The following GLI3 variants were observed in gnomAD, a reference collection of about 807,000 sequenced individuals.
GLI3 encodes the protein GLI family zinc finger 3, also known as transcription activator GLI3.
A neutral mutation model predicts 100.8 loss-of-function variants in GLI3; 20 were observed. The observed-to-expected ratio is 0.20, with a 90% CI of 0.14 to 0.29. GLI3 has a LOEUF of 0.29. Ranked by LOEUF, GLI3 falls within the 10% of genes least tolerant of loss-of-function variation. GLI3 has a pLI of 1.00. For synonymous variants in GLI3, 938 were observed against 860.5 expected, an observed-to-expected ratio of 1.09 and a Z score of -1.58; for missense variants, 2,040 against 2,128.5, an observed-to-expected ratio of 0.96 and a Z score of 0.82.
chr7:42,151,411 G>A (rs1174668007), intron 2 of GLI3: 1 of 152,196 alleles, frequency 6.6e-6, no homozygotes, highest in Non-Finnish European at 1.5e-5. Context: ...CAAGCCAAAA[G>A]ACGAAAGCTG....
At chr7:42,215,541 T>C (rs1396280799) in intron 2 of GLI3, among the ~76,000 whole-genome samples, 1 of 152,164 alleles carries the variant, frequency 6.6e-6, no homozygotes, top group Non-Finnish European at 1.5e-5. Context: ...TTTCTGGTTC[T>C]GAGCAGCTTG....
intron 2 of GLI3, among the ~76,000 whole-genome samples, chr7:42,162,217 A>G (rs1377372573): frequency 6.6e-6 from 1 of 152,158 alleles, no homozygotes; most frequent in African/African-American, 2.4e-5. Flanking sequence ...GACCAGGCTT[A>G]CCTTTGTAGA....
rs113268853 is a variant in GLI3, at chr7:42,069,238, C to T, written c.473+7514G>A. Among the ~76,000 whole-genome samples, 441 of 152,198 alleles carry T rather than the reference C, an allele frequency of 2.9e-3. 2 individuals are homozygous for T. Among genetic ancestry groups the T allele is most frequent in the African/African-American group, 9.8e-3 (406 of 41,518 alleles). The stretch of plus-strand genomic sequence containing the variant: ...GCCTGCTTTCTCTGCAACTGAGGAC[C>T]GAATTCAGTATTTCAGTCATTAGAA... On this transcript the variant is annotated intron_variant, in intron 4 of 14. Transcript: ENST00000395925.
chr7:42,112,520 A>G (rs1177997096), intron 3 of GLI3, among the ~76,000 whole-genome samples: 1 of 152,226 alleles, frequency 6.6e-6, no homozygotes, highest in Non-Finnish European at 1.5e-5. Flanking sequence ...CTTGAGATGG[A>G]TACCTCAATT....
intron 2 of GLI3, among the ~76,000 whole-genome samples, chr7:42,164,051 G>C (rs532900575): frequency 6.6e-6 from 1 of 152,188 alleles, no homozygotes; most frequent in Admixed American, 6.5e-5. Context: ...GGATAGACTT[G>C]AAATTCATTG....
rs575391088 is a variant in GLI3, at chr7:41,995,951, T to G, written c.1498-17203A>C. ...TAAATTAGTTATCCTTGGTTGGCAA[T>G]GGGTCTGACCTCTGCTAACTGGTGG... On this transcript the variant is annotated intron_variant, in intron 10 of 14. Transcript: ENST00000395925. Among the ~76,000 whole-genome samples, 17 of 152,286 alleles carry G rather than the reference T, an allele frequency of 1.1e-4. No homozygotes were observed. The South Asian group carries it at 3.5e-3, about 32-fold the overall frequency.
At chr7:42,086,103 T>C (rs1785096668) in intron 3 of GLI3, among the ~76,000 whole-genome samples, 1 of 152,172 alleles carries the variant, frequency 6.6e-6, no homozygotes, top group East Asian at 1.9e-4. Flanking sequence ...TAGTAATTAA[T>C]AAAAAATAAT....
At chr7:42,126,909 T>C (rs1324375919) in intron 3 of GLI3, among the ~76,000 whole-genome samples, 1 of 152,162 alleles carries the variant, frequency 6.6e-6, no homozygotes, top group African/African-American at 2.4e-5. Context: ...ATTACAGGGC[T>C]GTCTCCAGCC....
chr7:42,090,769 C>T (rs1320029349), intron 3 of GLI3, among the ~76,000 whole-genome samples: 6 of 152,220 alleles, frequency 3.9e-5, no homozygotes, highest in South Asian at 2.1e-4. Context: ...GCTACAAATA[C>T]GCTCAAAAAA....
intron 4 of GLI3, among the ~76,000 whole-genome samples, chr7:42,052,642 C>G (rs1183401747): frequency 1.3e-5 from 2 of 152,056 alleles, no homozygotes; most frequent in Non-Finnish European, 2.9e-5. Flanking sequence ...TCTTGTAGAA[C>G]CAGCCAACAA....
At chr7:42,217,267 T>C (rs1788396520) in intron 2 of GLI3, among the ~76,000 whole-genome samples, 1 of 152,136 alleles carries the variant, frequency 6.6e-6, no homozygotes, top group Admixed American at 6.6e-5. Context: ...TCAAAGGTGA[T>C]GGTGCGGTTT....
intron 2 of GLI3, chr7:42,150,062 T>C (rs1786818259): frequency 1.3e-5 from 2 of 152,210 alleles, no homozygotes; most frequent in South Asian, 4.1e-4. Flanking sequence ...ATGAGGTATA[T>C]TTTGGTCTTT....
At chr7:42,045,562 GC>G (rs1562701466) in intron 5 of GLI3, 32 bp from the exon 6 acceptor site, 1 of 1,609,614 alleles carries the variant, frequency 6.2e-7, no homozygotes, top group Admixed American at 1.7e-5. Context: ...ATGGTTACTA[GC>G]GAAAGAAGGT....
At chr7:42,247,850 A>C (rs137873816) in intron 1 of GLI3, among the ~76,000 whole-genome samples, 7 of 152,102 alleles carry the variant, frequency 4.6e-5, no homozygotes, top group African/African-American at 9.7e-5. Flanking sequence ...AGTCACTCCA[A>C]CTCCATCTGA....
intron 4 of GLI3, among the ~76,000 whole-genome samples, chr7:42,074,530 G>C (rs1784841340): frequency 6.6e-6 from 1 of 152,236 alleles, no homozygotes; most frequent in South Asian, 2.1e-4. Context: ...CCTTAAATTA[G>C]GCCTTGAGGA....
chr7:42,017,173 G>A lies in GLI3; in HGVS notation c.1497+6295C>T, dbSNP rs556118552. On this transcript the variant is annotated intron_variant, in intron 10 of 14. Transcript: ENST00000395925. ...CTGCTATAGGCAAGCATATTCAAAT[G>A]AGGTATGCAGCCCAGCCCAAAGTGA... Among the ~76,000 whole-genome samples, 5 of 152,326 alleles carry A rather than the reference G, an allele frequency of 3.3e-5. No individual in the cohort carries two copies. In the South Asian group the frequency reaches 1.0e-3, roughly 32 times the overall value.
At position 41,965,604 on chromosome 7, in the gene GLI3, C is replaced by A; in HGVS notation, c.3469G>T (p.Asp1157Tyr). The stretch of plus-strand genomic sequence containing the variant: ...ACTTCGTTCCACTGAATGGGCAGGT[C>A]GGTTTTGCTGCCCTCGGGGCAGGGC... ...EQPCPEGSKT[D>Y]LPIQWNEVSS... is the part of the protein sequence containing the mutation. The change falls in exon 15 of 15, where the codon GAC becomes TAC. Residue 1157 changes from aspartate (D) to tyrosine (Y), a missense_variant. Asp to Tyr is a radical substitution (Grantham distance 160). This residue lies in a region of GLI3 where 1,041 missense variants were observed against 924.0 expected (regional missense o/e 1.13). Transcript: ENST00000395925. 1 of 1,607,460 alleles carries A rather than the reference C, an allele frequency of 6.2e-7. No individual in the cohort carries two copies. Among genetic ancestry groups the A allele is most frequent in the Non-Finnish European group, 8.5e-7 (1 of 1,174,750 alleles).
chr7:42,080,944 C>G (rs1784985118), intron 3 of GLI3, among the ~76,000 whole-genome samples: 1 of 152,192 alleles, frequency 6.6e-6, no homozygotes, highest in African/African-American at 2.4e-5. Flanking sequence ...AGCTGTGACG[C>G]ATCATAACTC....
At chr7:42,053,243 C>T (rs999878071) in intron 4 of GLI3, among the ~76,000 whole-genome samples, 2 of 152,298 alleles carry the variant, frequency 1.3e-5, no homozygotes, top group Admixed American at 6.5e-5. Flanking sequence ...ATGATCCGCC[C>T]GCCTCGGCCT....
Sources: gnomAD v4.1 joint callset for allele counts (sites outside exome capture counted in the v4.1 genomes callset) on GRCh38, gnomAD v4.1.1 for gene constraint, gnomAD v4.1.1 regional missense constraint, MANE v1.5 for transcripts, NCBI Gene and HGNC (gene_info 2026-07-23, HGNC 2026-07-21) for gene names.